The following ANAPC1 variants were observed in gnomAD, a reference collection of about 807,000 sequenced individuals.
The protein encoded by ANAPC1 is anaphase promoting complex subunit 1.
Under a neutral mutation model 208.0 loss-of-function variants are expected in ANAPC1, and 36 were observed. The observed-to-expected ratio is 0.17, with a 90% CI of 0.13 to 0.23. The LOEUF is 0.23. Ranked by LOEUF, ANAPC1 falls within the 10% of genes least tolerant of loss-of-function variation. ANAPC1 has a pLI of 1.00. For synonymous variants in ANAPC1, 378 were observed against 695.2 expected (o/e 0.54, Z 7.18); for missense variants, 942 against 2,011.6 (o/e 0.47, Z 10.17).
intron 39 of ANAPC1, among the ~76,000 whole-genome samples, chr2:111,787,464 T>C (rs1677623192): frequency 6.6e-6 from 1 of 151,638 alleles, no homozygotes; most frequent in South Asian, 2.1e-4. Context: ...AATGATGGCT[T>C]AGGTTACTGT....
At chr2:111,876,321 G>A (rs1243167038) in intron 3 of ANAPC1, among the ~76,000 whole-genome samples, 25 of 152,018 alleles carry the variant, frequency 1.6e-4, no homozygotes, top group Non-Finnish European at 2.6e-4. Flanking sequence ...TAAAATCTGA[G>A]TCACATATAC....
At chr2:111,830,818 G>C (rs1680088837) in intron 21 of ANAPC1, among the ~76,000 whole-genome samples, 1 of 152,186 alleles carries the variant, frequency 6.6e-6, no homozygotes, top group African/African-American at 2.4e-5. Context: ...GAGCCACTCT[G>C]GAAAACAGAT....
chr2:111,771,726 A>G (rs1377099841), intron 47 of ANAPC1, among the ~76,000 whole-genome samples: 5 of 151,936 alleles, frequency 3.3e-5, no homozygotes, highest in African/African-American at 9.6e-5. Context: ...CTAGTAATGT[A>G]ATTAAACTTC....
In ANAPC1 at chr2:111,833,124, T is replaced by C. The variant is rs1680251445; in HGVS notation, c.2476+96A>G. On this transcript the variant is annotated intron_variant, in intron 20 of 47. Coordinates refer to ENST00000341068, the MANE Select transcript of ANAPC1 (RefSeq NM_022662.4). ...AAGGCACTGCCCCTGACTTAGAAGC[T>C]AATGGTAAGAAATACATCCTCTGCT... The C allele has an allele frequency of 5.6e-6, 8 of 1,425,330 alleles. No homozygotes were observed. In the South Asian group the frequency reaches 1.3e-4, roughly 23 times the overall value. The allele number at this position is 1,425,330 out of a possible 1,614,324, so 88.3% of individuals were successfully genotyped here. A position where few individuals can be genotyped will look rare whatever the true frequency, so the allele number is the denominator to read the frequency against.
intron 13 of ANAPC1, 183 bp downstream of exon 13, chr2:111,856,431 C>G: frequency 1.6e-6 from 1 of 622,674 alleles, no homozygotes. Context: ...TGAGCCATAG[C>G]CCTCCAAATT....
At position 111,847,532 on chromosome 2, in the gene ANAPC1, A is replaced by G. The variant is rs576958372; in HGVS notation, c.1791+193T>C. Among the ~76,000 whole-genome samples the G allele has an allele frequency of 1.4e-4, 22 of 152,360 alleles. No homozygotes were observed. In the East Asian group the frequency reaches 4.2e-3, roughly 29 times the overall value. The stretch of plus-strand genomic sequence containing the variant: ...AAGCTTTTGTTTTCACTAAGTTTTT[A>G]ATAATACAGAAACTGTAGAAAACAA... On this transcript the variant is annotated intron_variant, in intron 15 of 47. Coordinates refer to ENST00000341068, the MANE Select transcript of ANAPC1 (RefSeq NM_022662.4).
chr2:111,845,970 C>T (rs1268820355), intron 16 of ANAPC1, among the ~76,000 whole-genome samples: 1 of 107,098 alleles, frequency 9.3e-6, no homozygotes, highest in Non-Finnish European at 1.9e-5. Flanking sequence ...GAGCGAGACT[C>T]CGTCTCAAAA....
chr2:111,806,753 C>CA (rs1678696603), intron 29 of ANAPC1, among the ~76,000 whole-genome samples: 1 of 151,846 alleles, frequency 6.6e-6, no homozygotes, highest in African/African-American at 2.4e-5. Flanking sequence ...TGACTGGATA[C>CA]AAAATTCATA....
At chr2:111,864,411 A>C (rs1682278517) in intron 8 of ANAPC1, among the ~76,000 whole-genome samples, 2 of 149,980 alleles carry the variant, frequency 1.3e-5, no homozygotes, top group Admixed American at 1.3e-4. Flanking sequence ...CCAAAAAAAA[A>C]AAAAAAAAGT....
intron 13 of ANAPC1, among the ~76,000 whole-genome samples, chr2:111,855,570 C>T (rs1681657109): frequency 6.6e-6 from 1 of 152,128 alleles, no homozygotes; most frequent in Non-Finnish European, 1.5e-5. Context: ...AAATCTAAAA[C>T]AAATATAATG....
Position 111,825,833 on chromosome 2 carries a change from C to G in ANAPC1, c.2648G>C (p.Gly883Ala), listed in dbSNP as rs755939105. Reference sequence around the variant, plus strand: ...TTCATCAGAAACCAAGCTCTCATCACCAAGTATGTACAGTGCAATACTCTG... The same window carrying G: ...TTCATCAGAAACCAAGCTCTCATCAGCAAGTATGTACAGTGCAATACTCTG... Reference protein sequence around the residue: ...VVLSIALYILGDESLVSDESS... With the variant: ...VVLSIALYILADESLVSDESS... The change falls in exon 22 of 48, where the codon GGT (glycine) becomes GCT (alanine). Residue 883 changes from glycine (G) to alanine (A), a missense_variant. By Grantham distance (60) the Gly-to-Ala change is moderately conservative (BLOSUM62 0). Coordinates refer to ENST00000341068, the MANE Select transcript of ANAPC1 (RefSeq NM_022662.4). 3.1e-6 allele frequency: 5 copies of G among 1,613,730 alleles called. No homozygotes were observed. The highest frequency in any genetic ancestry group is 4.2e-6 in the Non-Finnish European group (5 of 1,179,720).
intron 33 of ANAPC1, among the ~76,000 whole-genome samples, chr2:111,801,217 C>G (rs1295647217): frequency 6.6e-6 from 1 of 151,696 alleles, no homozygotes; most frequent in Non-Finnish European, 1.5e-5. Flanking sequence ...ATTAGCCAGG[C>G]ATGGTGGCAC....
In ANAPC1 at chr2:111,769,679, C is replaced by CTTTTTTTTTTTT. The variant is rs767767639; in HGVS notation, c.5720-285_5720-274dup. Among the ~76,000 whole-genome samples the CTTTTTTTTTTTT allele has an allele frequency of 2.4e-5, 2 of 83,260 alleles. 1 individual carries two copies. The highest frequency in any genetic ancestry group is 9.3e-5 in the African/African-American group (2 of 21,486). The allele number at this position is 83,260 out of a possible 152,430, so 54.6% of individuals were successfully genotyped here. A position where few individuals can be genotyped will look rare whatever the true frequency, so the allele number is the denominator to read the frequency against. Reference sequence around the variant, plus strand: ...TATCTGCATTACACCTACTGGCTTTCTTTTTTTTTTTTTTTTTTTGGAGAC... The same window carrying CTTTTTTTTTTTT: ...TATCTGCATTACACCTACTGGCTTTCTTTTTTTTTTTTTTTTTTTTTTTTTTTTTTTGGAGAC... On this transcript the variant is annotated intron_variant, in intron 47 of 47. Transcript: ENST00000341068.
At chr2:111,841,662 T>C (rs1159231515) in intron 17 of ANAPC1, among the ~76,000 whole-genome samples, 2 of 152,170 alleles carry the variant, frequency 1.3e-5, no homozygotes, top group Admixed American at 6.5e-5. Flanking sequence ...TATAAGCCTA[T>C]GGCCTTTACT....
At chr2:111,877,664 G>C (rs1316242411) in intron 3 of ANAPC1, among the ~76,000 whole-genome samples, 2 of 152,098 alleles carry the variant, frequency 1.3e-5, no homozygotes, top group Admixed American at 1.3e-4. Context: ...GGCAACTGCA[G>C]TCCCAGCTAC....
intron 6 of ANAPC1, among the ~76,000 whole-genome samples, 197 bp downstream of exon 6, chr2:111,872,433 A>AAC (rs1682803966): frequency 6.6e-6 from 1 of 152,192 alleles, no homozygotes; most frequent in Non-Finnish European, 1.5e-5. Context: ...GCTGGAGCTC[A>AAC]ACAAGTTGCA....
At position 111,850,861 on chromosome 2, in the gene ANAPC1, G is replaced by C; in HGVS notation, c.1565C>G (p.Ser522Cys). 6.2e-7 allele frequency: 1 copy of C among 1,611,340 alleles called. No homozygotes were observed. Among genetic ancestry groups the C allele is most frequent in the African/African-American group, 1.3e-5 (1 of 74,912 alleles). ...PGLPAPSLTM[S>C]NTMPRPSTPL... ...AGTACTGGGCCGAGGCATTGTGTTG[G>C]ACATCGTCAGAGAGGGAGCTGGCAG... is the stretch of plus-strand genomic sequence containing the variant. The change falls in exon 14 of 48, where the codon TCC (serine) becomes TGC (cysteine). Residue 522 changes from serine to cysteine, a missense_variant. Coordinates refer to ENST00000341068, the MANE Select transcript of ANAPC1 (RefSeq NM_022662.4).
intron 39 of ANAPC1, among the ~76,000 whole-genome samples, chr2:111,787,093 G>A (rs1469089929): frequency 1.7e-4 from 25 of 143,538 alleles, no homozygotes; most frequent in African/African-American, 5.9e-4. Context: ...AGCTTGCAGT[G>A]ACCCGAGATC....
chr2:111,827,439 G>C (rs974320146), intron 21 of ANAPC1, among the ~76,000 whole-genome samples: 1 of 151,942 alleles, frequency 6.6e-6, no homozygotes, highest in Non-Finnish European at 1.5e-5. Context: ...TGCCATCTCC[G>C]CATATACAAG....
Sources: gnomAD v4.1 joint callset for allele counts (sites outside exome capture counted in the v4.1 genomes callset) on GRCh38, gnomAD v4.1.1 for gene constraint, MANE v1.5 for transcripts, NCBI Gene and HGNC (gene_info 2026-07-23, HGNC 2026-07-21) for gene names.